MOGS: variants seen among roughly 807,000 people sequenced by gnomAD.
MOGS encodes mannosyl-oligosaccharide glucosidase.
In MOGS, 45 loss-of-function variants were observed where a neutral mutation model predicts 68.5. The observed-to-expected ratio is 0.66, with a 90% confidence interval of 0.52 to 0.84. MOGS has a LOEUF of 0.84. Ranked by LOEUF, MOGS falls within the 40% of genes least tolerant of loss-of-function variation. The pLI, the probability that MOGS is intolerant of heterozygous loss-of-function variation, is 0.00. For synonymous variants in MOGS, 492 were observed against 461.2 expected (o/e 1.07, Z -0.86); for missense variants, 1,020 against 1,095.0 (o/e 0.93, Z 0.97).
intron 3 of MOGS, 61 bp downstream of exon 3, chr2:74,463,129 G>A (rs971128578): frequency 1.2e-6 from 2 of 1,610,658 alleles, no homozygotes; most frequent in South Asian, 1.1e-5. Context: ...GGGACATGGA[G>A]ACTGGTGAAA....
Position 74,461,525 on chromosome 2 carries a change from C to T in MOGS, c.2264G>A (p.Trp755Ter), listed in dbSNP as rs1461055157. ...CAAAGCCAGGTAGTTGACATTGAGC[C>T]ACACAGCACCCCGCCAGTAGGGGGG... ...HDPPYWRGAVWLNVNYLALGA... is the reference protein window; with the variant it reads ...HDPPYWRGAV Residue 755 changes from tryptophan to a stop codon, truncating the protein, a stop_gained, in exon 4 of 4, where the codon TGG becomes TAG. Transcript: ENST00000448666. LOFTEE classifies it high-confidence loss of function. 15 of 1,613,978 alleles carry T rather than the reference C, an allele frequency of 9.3e-6. No homozygotes were observed. The highest frequency in any genetic ancestry group is 1.3e-5 in the Non-Finnish European group (15 of 1,179,922).
intron 1 of MOGS, 68 bp downstream of exon 1, chr2:74,464,828 G>C: frequency 1.3e-6 from 2 of 1,562,956 alleles, no homozygotes; most frequent in African/African-American, 2.7e-5. Flanking sequence ...TCCCACCCTT[G>C]CTCTCGCTTC....
In MOGS at chr2:74,461,637, C is replaced by T. The variant is rs747152213; in HGVS notation, c.2152G>A (p.Asp718Asn). 39 of 1,614,084 alleles carry T rather than the reference C, an allele frequency of 2.4e-5. No individual in the cohort carries two copies. Among genetic ancestry groups the T allele is most frequent in the Non-Finnish European group, 3.0e-5 (35 of 1,179,974 alleles). Residue 718 changes from aspartate to asparagine, a missense_variant, in exon 4 of 4, where the codon GAC becomes AAC. Physicochemically the swap from Asp to Asn is conservative, Grantham distance 23. This residue lies in a region of MOGS where 270 missense variants were observed against 261.3 expected (regional missense o/e 1.03). Transcript: ENST00000448666. Reference protein sequence around the residue: ...RLGPLLDILADSRHLWSPFGL... With the variant: ...RLGPLLDILANSRHLWSPFGL... ...AAGGGGCTCCAGAGATGGCGGCTGT[C>T]GGCTAGAATGTCCAGCAGGGGCCCA... is the stretch of plus-strand genomic sequence containing the variant.
Position 74,463,071 on chromosome 2 carries a change from AAG to A in MOGS, c.777-61_777-60del, listed in dbSNP as rs375237863. The A allele has an allele frequency of 5.3e-4, 860 of 1,612,054 alleles. 12 individuals are homozygous for A. The South Asian group carries it at 9.1e-3, about 17-fold the overall frequency. The stretch of plus-strand genomic sequence containing the variant: ...TCAAGAGAAGGCAGTGGGCATTATA[AAG>A]AGAAATACAAAGTGTTCAGGAGTCA... On this transcript the variant is annotated intron_variant, in intron 3 of 3. Transcript: ENST00000448666.
chr2:74,464,116 C>T (rs1342951923), intron 2 of MOGS, among the ~76,000 whole-genome samples: 2 of 151,972 alleles, frequency 1.3e-5, no homozygotes, highest in African/African-American at 4.8e-5. Flanking sequence ...TGCGCCACCA[C>T]GCCCGGCTAA....
rs755702841 is a variant in MOGS at position 74,462,630 on chromosome 2, C to T, written c.1159G>A (p.Glu387Lys). 10 of 1,614,074 alleles carry T rather than the reference C, an allele frequency of 6.2e-6. No individual in the cohort carries two copies. Among genetic ancestry groups the T allele is most frequent in the African/African-American group, 1.3e-5 (1 of 74,940 alleles). The change falls in exon 4 of 4, where the codon GAG becomes AAG. Residue 387 changes from glutamate to lysine, a missense_variant. By Grantham distance (56) the Glu-to-Lys change is moderately conservative. Around this residue, in one of 3 missense-constraint regions of MOGS, gnomAD observed 569 missense variants for 571.9 expected, o/e 0.99. Transcript: ENST00000448666. ...AGGGCAGCCTGACCCAAAACCTGCT[C>T]GCCAGAGCTCAGGCCCTTCTCCTTC... The part of the protein sequence containing the change: ...QLKEKGLSSG[E>K]QVLGQAALSG...
In MOGS at chr2:74,465,024, T is replaced by C; in HGVS notation, c.224A>G (p.His75Arg). Residue 75 changes from histidine (H) to arginine (R), a missense_variant, in exon 1 of 4, where the codon CAC becomes CGC. By Grantham distance (29) the His-to-Arg change is conservative. Around this residue, in one of 3 missense-constraint regions of MOGS, gnomAD observed 569 missense variants for 571.9 expected, o/e 0.99. Coordinates refer to ENST00000448666, the MANE Select transcript of MOGS (RefSeq NM_006302.3). ...WYRARRAVTL[H>R]SAPPVLPADS... ...GGCAGGCAACACAGGAGGCGCGGAG[T>C]GCAGCGTGACCGCCCGCCGCGCACG... The C allele has an allele frequency of 1.3e-6, 2 of 1,553,724 alleles. No homozygotes were observed. The highest frequency in any genetic ancestry group is 1.7e-6 in the Non-Finnish European group (2 of 1,149,256).
rs1287735915 is a variant in MOGS at position 74,462,022 on chromosome 2, T to C, written c.1767A>G (p.Ser589=). ...GGTGCCGCTCGGTTACTGAAGGGTG[T>C]GAAGCCCGGGGGTAGTCATCCAGCC... The part of the protein sequence containing the change: ...PSGLDDYPRA[S]HPSVTERHLD... Residue 589 remains serine, a synonymous_variant, in exon 4 of 4, where the codon TCA becomes TCG. Transcript: ENST00000448666. The C allele has an allele frequency of 2.5e-6, 4 of 1,614,036 alleles. No individual in the cohort carries two copies. Among genetic ancestry groups the C allele is most frequent in the Non-Finnish European group, 3.4e-6 (4 of 1,180,030 alleles).
Position 74,462,271 on chromosome 2 carries a change from T to C in MOGS, c.1518A>G (p.Arg506=). The C allele has an allele frequency of 1.2e-6, 2 of 1,613,932 alleles. No homozygotes were observed. The highest frequency in any genetic ancestry group is 1.6e-4 in the Middle Eastern group (1 of 6,062). The change falls in exon 4 of 4, where the codon CGA becomes CGG. Residue 506 remains arginine, a synonymous_variant. Transcript: ENST00000448666. ...GGGTTGGGGGGTTGGCGTGGACTGC[T>C]CGTTGTACTAGGAATTCTGGAGGCA... is the stretch of plus-strand genomic sequence containing the variant. ...ARVPPEFLVQ[R]AVHANPPTLL...
At chr2:74,464,766 T>G (rs779409469) in intron 1 of MOGS, 44 bp from the exon 2 acceptor site, 5 of 1,586,444 alleles carry the variant, frequency 3.2e-6, no homozygotes, top group Non-Finnish European at 4.3e-6. Flanking sequence ...AGGGGACCTG[T>G]CCCTCCGGGT....
In MOGS at chr2:74,461,919, C is replaced by T. The variant is rs1462316755; in HGVS notation, c.1870G>A (p.Ala624Thr). 1 of 1,614,094 alleles carries T rather than the reference C, an allele frequency of 6.2e-7. No individual in the cohort carries two copies. The highest frequency in any genetic ancestry group is 1.3e-5 in the African/African-American group (1 of 75,034). Residue 624 changes from alanine to threonine, a missense_variant, in exon 4 of 4, where the codon GCT (alanine) becomes ACT (threonine). Physicochemically the swap from Ala to Thr is moderately conservative, Grantham distance 58 (BLOSUM62 0). Around this residue, in one of 3 missense-constraint regions of MOGS, gnomAD observed 181 missense variants for 261.8 expected, o/e 0.69. Coordinates refer to ENST00000448666, the MANE Select transcript of MOGS (RefSeq NM_006302.3). ...LAEHLGEAEV[A>T]AELGPLAASL... ...GCAGCCAGTGGGCCCAGCTCAGCAG[C>T]TACCTCAGCCTCACCCAGATGCTCT... is the stretch of plus-strand genomic sequence containing the variant.
In MOGS at chr2:74,463,613, TACTATGTCCTAC is replaced by T. The variant is rs1671990873; in HGVS notation, c.580-239_580-228del. ...CCTGGGAGATAACAGTATACTTTTG[TACTATGTCCTAC>T]ACTAAGAACTCTACACAGTTGATTT... On this transcript the variant is annotated intron_variant, in intron 2 of 3. Transcript: ENST00000448666. The T allele has an allele frequency of 7.1e-6, 4 of 566,862 alleles. No individual in the cohort carries two copies. In the African/African-American group the frequency reaches 7.5e-5, roughly 11 times the overall value. 35.1% of individuals were successfully genotyped at this position (566,862 alleles called of 1,614,324 possible). A position where few individuals can be genotyped will look rare whatever the true frequency, so the allele number is the denominator to read the frequency against.
intron 2 of MOGS, chr2:74,463,625 C>A: frequency 2.1e-5 from 10 of 476,778 alleles, no homozygotes; most frequent in East Asian, 4.2e-5. Context: ...CTATGTCCTA[C>A]ACTAAGAACT....
chr2:74,464,781 G>C, intron 1 of MOGS, 59 bp from the exon 2 acceptor site: 1 of 1,571,410 alleles, frequency 6.4e-7, no homozygotes, highest in Non-Finnish European at 8.7e-7. Context: ...CCGGGTCTCC[G>C]GGTCATCCCT....
chr2:74,461,342 C>CCTCGCCCAT lies in MOGS; in HGVS notation c.2438_2446dup (p.Asp813_Arg815dup). ...GCCGTGGAAAGGGCGGCAGCCCATG[C>CCTCGCCCAT]CTCGCCCATCGCGGTCACTGTACTG... On this transcript the variant is annotated inframe_insertion, in exon 4 of 4. Coordinates refer to ENST00000448666, the MANE Select transcript of MOGS (RefSeq NM_006302.3). 6.2e-7 allele frequency: 1 copy of CCTCGCCCAT among 1,614,140 alleles called. No individual in the cohort carries two copies.
Position 74,464,949 on chromosome 2 carries a change from C to T in MOGS, c.299G>A (p.Arg100His), listed in dbSNP as rs753244817. Reference sequence around the variant, plus strand: ...CTTCATGCCGAAGTAGACGTGAGGGCGGTAGGTTCCCCAGAAGAGGTCCGG... The same window carrying T: ...CTTCATGCCGAAGTAGACGTGAGGGTGGTAGGTTCCCCAGAAGAGGTCCGG... Reference protein sequence around the residue: ...VAPDLFWGTYRPHVYFGMKTR... With the variant: ...VAPDLFWGTYHPHVYFGMKTR... Residue 100 changes from arginine to histidine, a missense_variant, in exon 1 of 4, where the codon CGC becomes CAC. Transcript: ENST00000448666. 6.3e-7 allele frequency: 1 copy of T among 1,595,218 alleles called. No homozygotes were observed. Among genetic ancestry groups the T allele is most frequent in the East Asian group, 2.3e-5 (1 of 44,058 alleles).
In MOGS at chr2:74,464,576, T is replaced by G. The variant is rs371747622; in HGVS notation, c.499A>C (p.Arg167=). 389 of 1,614,106 alleles carry G rather than the reference T, an allele frequency of 2.4e-4. No homozygotes were observed. In the Middle Eastern group the frequency reaches 2.6e-3, roughly 11 times the overall value. ...CTCTTGACGAACTCAGTGGTGAGCC[T>G]TAAGGCCCCATCCTGGATGTGTTGG... The part of the protein sequence containing the change: ...GRQHIQDGAL[R]LTTEFVKRPG... The change falls in exon 2 of 4, where the codon AGG becomes CGG. Residue 167 remains arginine, a synonymous_variant. Transcript: ENST00000448666.
Position 74,462,534 on chromosome 2 carries a change from C to G in MOGS, c.1255G>C (p.Gly419Arg). 1 of 1,609,772 alleles carries G rather than the reference C, an allele frequency of 6.2e-7. No individual in the cohort carries two copies. The highest frequency in any genetic ancestry group is 8.5e-7 in the Non-Finnish European group (1 of 1,177,140). The change falls in exon 4 of 4, where the codon GGG (glycine) becomes CGG (arginine). Residue 419 changes from glycine to arginine, a missense_variant. Physicochemically the swap from Gly to Arg is moderately radical, Grantham distance 125. This residue lies in a region of MOGS where 569 missense variants were observed against 571.9 expected (regional missense o/e 0.99). Coordinates refer to ENST00000448666, the MANE Select transcript of MOGS (RefSeq NM_006302.3). ...GLVLPDIGVEGSEQKVDPALF... is the reference protein window; with the variant it reads ...GLVLPDIGVERSEQKVDPALF... ...GCTGGGTCCACCTTCTGCTCAGACC[C>G]TTCCACCCCGATGTCTGGCAATACC...
Position 74,462,343 on chromosome 2 carries a change from G to C in MOGS, c.1446C>G (p.Gly482=). 6.2e-7 allele frequency: 1 copy of C among 1,614,026 alleles called. No homozygotes were observed. Among genetic ancestry groups the C allele is most frequent in the South Asian group, 1.1e-5 (1 of 91,086 alleles). The change falls in exon 4 of 4, where the codon GGC becomes GGG. Residue 482 remains glycine, a synonymous_variant. Coordinates refer to ENST00000448666, the MANE Select transcript of MOGS (RefSeq NM_006302.3). ...GHWLGLLNAD[G]WIGREQILGD... The stretch of plus-strand genomic sequence containing the variant: ...CCAGTATCTGCTCCCTCCCAATCCA[G>C]CCATCAGCATTTAGCAGCCCCAGCC...
Sources: gnomAD v4.1 joint callset for allele counts (sites outside exome capture counted in the v4.1 genomes callset) on GRCh38, gnomAD v4.1.1 for gene constraint, gnomAD v4.1.1 regional missense constraint, MANE v1.5 for transcripts, NCBI Gene and HGNC (gene_info 2026-07-23, HGNC 2026-07-21) for gene names.